The following HELLS variants were observed in gnomAD, a reference collection of about 807,000 sequenced individuals.
The protein encoded by HELLS is lymphoid-specific helicase.
In HELLS, 32 loss-of-function variants were observed where a neutral mutation model predicts 120.0. That is an observed-to-expected ratio of 0.27 (90% confidence interval 0.20 to 0.36). HELLS has a LOEUF of 0.36. Ranked by LOEUF, HELLS falls within the 10% of genes least tolerant of loss-of-function variation. The pLI is 1.00. For missense variants in HELLS, 650 were observed against 993.4 expected (o/e 0.65, Z 4.65); for synonymous variants, 341 against 323.4 (o/e 1.05, Z -0.58).
In HELLS at chr10:94,590,370, A is replaced by G. The variant is rs184931868; in HGVS notation, c.1489-43A>G. On this transcript the variant is annotated intron_variant, in intron 13 of 21. Transcript: ENST00000348459. Reference sequence around the variant, plus strand: ...TTGTTTACATTTAGAACCTAAGGACATAGCTTTATAAACTGAATTTCTTTT... The same window carrying G: ...TTGTTTACATTTAGAACCTAAGGACGTAGCTTTATAAACTGAATTTCTTTT... 89 of 1,541,416 alleles carry G rather than the reference A, an allele frequency of 5.8e-5. 1 individual carries two copies. Among genetic ancestry groups the G allele is most frequent in the Admixed American group, 1.9e-4 (9 of 47,412 alleles).
At chr10:94,602,141 A>G (rs1846064352), downstream of HELLS, 1 of 152,392 alleles carries the variant, frequency 6.6e-6, no homozygotes, top group Non-Finnish European at 1.5e-5. Flanking sequence ...AGGTGCAATA[A>G]TAGCAAAAGA....
chr10:94,558,081 G>GTT (rs200645462), intron 3 of HELLS, 58 bp from the exon 4 acceptor site: 142 of 1,410,282 alleles, frequency 1.0e-4, no homozygotes, highest in Middle Eastern at 9.1e-4. Context: ...ATTGATATGC[G>GTT]TTTTTTTTTT....
chr10:94,609,185 G>A (rs992047223), intron 9 of HELLS, among the ~76,000 whole-genome samples: 4 of 151,754 alleles, frequency 2.6e-5, no homozygotes, highest in African/African-American at 7.3e-5. Context: ...CACCACGCCC[G>A]GCGAGTTTTG....
intron 12 of HELLS, among the ~76,000 whole-genome samples, chr10:94,585,992 T>G (rs1161661674): frequency 6.6e-6 from 1 of 151,468 alleles, no homozygotes; most frequent in Non-Finnish European, 1.5e-5. Context: ...ATAGTGTGCC[T>G]CTTCTTCCAC....
chr10:94,575,867 G>A (rs986879189), intron 9 of HELLS, among the ~76,000 whole-genome samples: 2 of 150,934 alleles, frequency 1.3e-5, no homozygotes, highest in African/African-American at 2.4e-5. Context: ...GCACGATCTC[G>A]GCTCAGTGCA....
intron 19 of HELLS, among the ~76,000 whole-genome samples, chr10:94,596,011 C>T (rs1448259355): frequency 6.6e-6 from 1 of 151,820 alleles, no homozygotes; most frequent in Admixed American, 6.6e-5. Flanking sequence ...TTTTAAGAGA[C>T]CATTTAACTT....
chr10:94,586,410 C>G (rs571308727), intron 12 of HELLS, among the ~76,000 whole-genome samples: 1 of 152,066 alleles, frequency 6.6e-6, no homozygotes, highest in African/African-American at 2.4e-5. Context: ...CGTGAGCCAC[C>G]GCGCCCGGCC....
At chr10:94,587,425 T>C (rs1006577703) in intron 12 of HELLS, among the ~76,000 whole-genome samples, 2 of 151,690 alleles carry the variant, frequency 1.3e-5, no homozygotes, top group Non-Finnish European at 2.9e-5. Context: ...AGTTATACAC[T>C]TTTGTGTGTG....
At chr10:94,600,158 G>A (rs191208127) in intron 21 of HELLS, among the ~76,000 whole-genome samples, 165 of 152,206 alleles carry the variant, frequency 1.1e-3, no homozygotes, top group Non-Finnish European at 2.2e-3. Flanking sequence ...GGGCATGGAG[G>A]CATGTGCCTA....
intron 6 of HELLS, chr10:94,570,631 T>C (rs573440558): frequency 6.6e-6 from 1 of 152,132 alleles, no homozygotes; most frequent in African/African-American, 2.4e-5. Flanking sequence ...GTGACAACTT[T>C]TTAGATAATT....
chr10:94,602,607 G>C (rs552382932), downstream of HELLS, among the ~76,000 whole-genome samples: 1 of 152,242 alleles, frequency 6.6e-6, no homozygotes, highest in East Asian at 1.9e-4. Flanking sequence ...TTCAAATGCA[G>C]ATCAGATGAT....
intron 10 of HELLS, among the ~76,000 whole-genome samples, chr10:94,580,142 TATATATATATATATATATATACAC>T (rs1216662179): frequency 5.5e-5 from 4 of 72,398 alleles, no homozygotes; most frequent in African/African-American, 3.0e-4. Context: ...TATATATATA[TATATATATATATATATATATACAC>T]ACACACACAC....
chr10:94,564,067 C>A (rs977318638), intron 6 of HELLS, among the ~76,000 whole-genome samples: 1 of 152,126 alleles, frequency 6.6e-6, no homozygotes, highest in African/African-American at 2.4e-5. Context: ...GCCTTGGCCT[C>A]CAAAAGTGCT....
intron 2 of HELLS, among the ~76,000 whole-genome samples, chr10:94,546,972 G>C (rs140260518): frequency 6.6e-6 from 1 of 152,334 alleles, no homozygotes; most frequent in Non-Finnish European, 1.5e-5. Flanking sequence ...CTGTAGTGCT[G>C]TTTTCCACCT....
At chr10:94,590,844 CT>C (rs1564613470) in intron 15 of HELLS, 68 bp downstream of exon 15, 23 of 873,064 alleles carry the variant, frequency 2.6e-5, no homozygotes, top group South Asian at 1.4e-4. Context: ...GAAAGTGTTA[CT>C]TTTTTTGATT....
chr10:94,564,492 G>C (rs1262072764), intron 6 of HELLS, among the ~76,000 whole-genome samples: 1 of 152,082 alleles, frequency 6.6e-6, no homozygotes, highest in Non-Finnish European at 1.5e-5. Flanking sequence ...GAAATCATAT[G>C]CTCTTTTCTA....
chr10:94,548,088 A>C (rs563130783), intron 2 of HELLS, among the ~76,000 whole-genome samples: 2 of 152,218 alleles, frequency 1.3e-5, no homozygotes, highest in Non-Finnish European at 2.9e-5. Context: ...TAAATACTTC[A>C]TACTACTTTT....
chr10:94,605,210 G>A (rs1846116063), downstream of HELLS, among the ~76,000 whole-genome samples: 1 of 151,330 alleles, frequency 6.6e-6, no homozygotes, highest in Non-Finnish European at 1.5e-5. Context: ...AGCCTCCTGA[G>A]TAGCTAGAAT....
chr10:94,583,609 T>C (rs1282719596), intron 12 of HELLS, among the ~76,000 whole-genome samples: 1 of 152,130 alleles, frequency 6.6e-6, no homozygotes, highest in Non-Finnish European at 1.5e-5. Flanking sequence ...AAGTGAAAAG[T>C]AAAAATATCA....
Sources: gnomAD v4.1 joint callset for allele counts (sites outside exome capture counted in the v4.1 genomes callset) on GRCh38, gnomAD v4.1.1 for gene constraint, MANE v1.5 for transcripts, NCBI Gene and HGNC (gene_info 2026-07-23, HGNC 2026-07-21) for gene names.